Variants in EVC2 observed in about 807,000 individuals in gnomAD.
EVC2 encodes the protein EvC ciliary complex subunit 2.
A neutral mutation model predicts 149.3 loss-of-function variants in EVC2; 148 were observed. The ratio of observed to expected loss-of-function variants is 0.99; its 90% CI spans 0.87 to 1.14. EVC2 has a LOEUF of 1.14. Among genes scored for constraint, EVC2 ranks in the 50% most tolerant of loss-of-function variants. The probability of loss-of-function intolerance (pLI) is 0.00; values close to 1 mark genes in which losing one functional copy is unlikely to be tolerated. For missense variants in EVC2, 1,854 were observed against 1,627.3 expected (o/e 1.14, Z -2.40); for synonymous variants, 776 against 649.9 (o/e 1.19, Z -2.95).
In EVC2 at chr4:5,569,458, C is replaced by T. The variant is rs1722517156; in HGVS notation, c.3361-818G>A. ...GAGTGAAACTCTCTGAAACTCTATA[C>T]TAGCTTTGTAACTTCTTGTGAATCT... On this transcript the variant is annotated intron_variant, in intron 19 of 21. Coordinates refer to ENST00000344408, the MANE Select transcript of EVC2 (RefSeq NM_147127.5). The surrounding 1 kb of genome is among the most constrained non-coding windows in gnomAD (Gnocchi z 4.8). 6.6e-6 allele frequency among the ~76,000 whole-genome samples: 1 copy of T among 152,220 alleles called. No individual in the cohort carries two copies. Among genetic ancestry groups the T allele is most frequent in the South Asian group, 2.1e-4 (1 of 4,832 alleles).
chr4:5,680,602 A>G (rs1277632397), intron 7 of EVC2, among the ~76,000 whole-genome samples: 1 of 152,180 alleles, frequency 6.6e-6, no homozygotes, highest in Admixed American at 6.5e-5. Flanking sequence ...CATTCTAGCC[A>G]TGGGATACTG....
chr4:5,707,048 G>T (rs1473974352), intron 1 of EVC2, among the ~76,000 whole-genome samples: 1 of 152,152 alleles, frequency 6.6e-6, no homozygotes, highest in Non-Finnish European at 1.5e-5. Flanking sequence ...GGAAGAGCTT[G>T]TGCAAAGCAG....
intron 21 of EVC2, among the ~76,000 whole-genome samples, chr4:5,554,218 C>A (rs1022316893): frequency 6.6e-6 from 1 of 152,078 alleles, no homozygotes; most frequent in Non-Finnish European, 1.5e-5. Flanking sequence ...GACCACAAAG[C>A]CAACCACTAC....
At chr4:5,647,420 C>T (rs146826492) in intron 9 of EVC2, among the ~76,000 whole-genome samples, 258 of 152,236 alleles carry the variant, frequency 1.7e-3, no homozygotes, top group African/African-American at 5.9e-3. Context: ...AAATAGCTTC[C>T]GTCCCCTTAA....
intron 12 of EVC2, among the ~76,000 whole-genome samples, chr4:5,628,153 G>C (rs1307640224): frequency 6.6e-6 from 1 of 152,162 alleles, no homozygotes; most frequent in Non-Finnish European, 1.5e-5. Context: ...TCTCCAGTGA[G>C]GAAGGTTTGT....
At chr4:5,601,772 A>G (rs1337353271) in intron 16 of EVC2, among the ~76,000 whole-genome samples, 1 of 152,226 alleles carries the variant, frequency 6.6e-6, no homozygotes, top group African/African-American at 2.4e-5. Flanking sequence ...GATGTGTTTC[A>G]CTAACAACAA....
At chr4:5,607,777 C>T (rs1433902337) in intron 16 of EVC2, among the ~76,000 whole-genome samples, 2 of 152,070 alleles carry the variant, frequency 1.3e-5, no homozygotes, top group African/African-American at 4.8e-5. Flanking sequence ...GATGGAAGAA[C>T]TGGCTGCTTA....
intron 9 of EVC2, among the ~76,000 whole-genome samples, chr4:5,661,708 G>A (rs1718884302): frequency 6.6e-6 from 1 of 152,206 alleles, no homozygotes; most frequent in South Asian, 2.1e-4. Flanking sequence ...TCTAGTTAAG[G>A]TTATCTATTA....
chr4:5,657,583 C>A lies in EVC2; in HGVS notation c.1145+5524G>T, dbSNP rs1046919542. Among the ~76,000 whole-genome samples, 1 of 151,916 alleles carries A rather than the reference C, an allele frequency of 6.6e-6. No homozygotes were observed. The highest frequency in any genetic ancestry group is 2.4e-5 in the African/African-American group (1 of 41,324). Reference sequence around the variant, plus strand: ...TATAGCCTCAAATTTTCTCTGCAGGCGACTTTCCACCAAGAACACCATTGT... The same window carrying A: ...TATAGCCTCAAATTTTCTCTGCAGGAGACTTTCCACCAAGAACACCATTGT... On this transcript the variant is annotated intron_variant, in intron 9 of 21. Transcript: ENST00000344408. The surrounding 1 kb of genome is among the most constrained non-coding windows in gnomAD (Gnocchi z 4.7).
Position 5,665,504 on chromosome 4 carries a change from G to C in EVC2, c.1005+11C>G. The stretch of plus-strand genomic sequence containing the variant: ...TCACCACCTTCCAAACCACCCTCAG[G>C]GAAGACTCACCCGATGTCTGGTGAG... On this transcript the variant is annotated intron_variant, in intron 8 of 21. Transcript: ENST00000344408. The C allele has an allele frequency of 1.2e-6, 2 of 1,613,964 alleles. No individual in the cohort carries two copies.
intron 16 of EVC2, among the ~76,000 whole-genome samples, chr4:5,596,996 C>T (rs982847639): frequency 9.9e-5 from 15 of 152,122 alleles, no homozygotes; most frequent in African/African-American, 3.6e-4. Context: ...ACACATTCAC[C>T]CTCCCAAGAC....
intron 16 of EVC2, among the ~76,000 whole-genome samples, chr4:5,604,468 A>G (rs897283332): frequency 9.9e-5 from 15 of 152,184 alleles, no homozygotes; most frequent in Non-Finnish European, 2.1e-4. Flanking sequence ...CAAACATCAC[A>G]TGTTCATACT....
At chr4:5,691,232 C>T (rs369080056) in intron 4 of EVC2, 33 bp downstream of exon 4, 106 of 1,585,894 alleles carry the variant, frequency 6.7e-5, no homozygotes, top group Non-Finnish European at 8.6e-5. Context: ...CAATTATTTT[C>T]TCTTCAAATA....
chr4:5,690,370 C>T (rs1387021718), intron 4 of EVC2, among the ~76,000 whole-genome samples: 1 of 151,684 alleles, frequency 6.6e-6, no homozygotes, highest in South Asian at 2.1e-4. Context: ...CTAAAGCCTG[C>T]AGAATATCCT....
In EVC2 at chr4:5,576,102, G is replaced by T. The variant is rs992348699; in HGVS notation, c.3272+138C>A. 2.2e-6 allele frequency: 3 copies of T among 1,354,664 alleles called. No homozygotes were observed. The highest frequency in any genetic ancestry group is 1.2e-5 in the South Asian group (1 of 81,240). 83.9% of individuals were successfully genotyped at this position (1,354,664 alleles called of 1,614,324 possible). On this transcript the variant is annotated intron_variant, in intron 18 of 21. Coordinates refer to ENST00000344408, the MANE Select transcript of EVC2 (RefSeq NM_147127.5). The surrounding 1 kb of genome is among the most constrained non-coding windows in gnomAD (Gnocchi z 4.5). ...GAGTATGCTACAAAGCCAGCAGCTC[G>T]TGTTGGAGCAATGGGATGACACCTT...
chr4:5,564,847 G>A (rs1348258383), intron 21 of EVC2, among the ~76,000 whole-genome samples: 7 of 152,166 alleles, frequency 4.6e-5, no homozygotes, highest in African/African-American at 1.4e-4. Flanking sequence ...CAAATCTCAT[G>A]ACCACTGTTT....
intron 12 of EVC2, among the ~76,000 whole-genome samples, chr4:5,627,617 A>C (rs1385372191): frequency 6.6e-6 from 1 of 152,176 alleles, no homozygotes; most frequent in African/African-American, 2.4e-5. Context: ...TTGTAACCTA[A>C]AAGAATAAAT....
chr4:5,662,875 T>C lies in EVC2; in HGVS notation c.1145+232A>G, dbSNP rs1462710903. Among the ~76,000 whole-genome samples, 3 of 151,896 alleles carry C rather than the reference T, an allele frequency of 2.0e-5. No individual in the cohort carries two copies. In the East Asian group the frequency reaches 5.8e-4, roughly 29 times the overall value. ...CACCCAATTCTGTGGTCACTTCTGTTTATGTTTCAGTCTTTCCTACTAGAT... is the reference window on the plus strand; with the variant it reads ...CACCCAATTCTGTGGTCACTTCTGTCTATGTTTCAGTCTTTCCTACTAGAT... On this transcript the variant is annotated intron_variant, in intron 9 of 21. Transcript: ENST00000344408.
At chr4:5,550,183 G>C (rs1456388229) in intron 21 of EVC2, among the ~76,000 whole-genome samples, 1 of 152,204 alleles carries the variant, frequency 6.6e-6, no homozygotes. Flanking sequence ...AAATGTGGAA[G>C]CAACTTTGGA....
Sources: allele counts gnomAD v4.1 joint callset (sites outside exome capture counted in the v4.1 genomes callset), GRCh38; gene constraint gnomAD v4.1.1; non-coding constraint Gnocchi (gnomAD v3.1); transcripts MANE v1.5; gene names NCBI Gene and HGNC (gene_info 2026-07-23, HGNC 2026-07-21).